Variants in CACNG7 observed in about 807,000 individuals in gnomAD.
The protein encoded by CACNG7 is voltage-dependent calcium channel gamma-7 subunit.
A neutral mutation model predicts 26.3 loss-of-function variants in CACNG7; 9 were observed. The observed-to-expected ratio is 0.34, with a 90% CI of 0.21 to 0.60. CACNG7 has a LOEUF of 0.60. Among genes scored for constraint, CACNG7 ranks in the 20% least tolerant of loss-of-function variants. CACNG7 has a pLI of 0.81. For missense variants in CACNG7, 297 were observed against 380.4 expected (o/e 0.78, Z 1.82); for synonymous variants, 170 against 157.0 (o/e 1.08, Z -0.62).
intron 4 of CACNG7, among the ~76,000 whole-genome samples, chr19:53,925,484 G>GTTGGTCATTGGTGGACTTGCCCCAGGT (rs113957992): frequency 8.6e-6 from 1 of 116,684 alleles, no homozygotes; most frequent in African/African-American, 3.7e-5. Context: ...GTTGCCCCAG[G>GTTGGTCATTGGTGGACTTGCCCCAGGT]CTGGTCATTG....
chr19:53,916,777 G>A (rs968293282), intron 4 of CACNG7, among the ~76,000 whole-genome samples: 1 of 150,062 alleles, frequency 6.7e-6, no homozygotes. Flanking sequence ...TGGGATTACA[G>A]GTGTGAGCCC....
intron 4 of CACNG7, among the ~76,000 whole-genome samples, chr19:53,923,949 G>A (rs1458696502): frequency 2.1e-5 from 3 of 140,260 alleles, no homozygotes; most frequent in African/African-American, 8.3e-5. Context: ...TATTGGTGGA[G>A]TTGTCCCCAG....
chr19:53,936,270 C>T (rs904422119), intron 4 of CACNG7, among the ~76,000 whole-genome samples: 3 of 152,130 alleles, frequency 2.0e-5, no homozygotes, highest in Admixed American at 6.5e-5. Context: ...TCTGGAGGCC[C>T]GTGGTGTAGG....
rs2068933447 is a variant in CACNG7 at position 53,920,355 on chromosome 19, A to G, written c.424+4850A>G. 1.8e-5 allele frequency among the ~76,000 whole-genome samples: 2 copies of G among 109,194 alleles called. 1 individual carries two copies. The highest frequency in any genetic ancestry group is 3.5e-5 in the Non-Finnish European group (2 of 56,904). 71.6% of individuals were successfully genotyped at this position (109,194 alleles called of 152,430 possible). On this transcript the variant is annotated intron_variant, in intron 4 of 5. Coordinates refer to ENST00000391767, the MANE Select transcript of CACNG7 (RefSeq NM_031896.5). Reference sequence around the variant, plus strand: ...GTCTGGTCATTGGTGGAGTTTCCCCAGGTCTGGTCATTGGTGGAGTTGCCT... The same window carrying G: ...GTCTGGTCATTGGTGGAGTTTCCCCGGGTCTGGTCATTGGTGGAGTTGCCT...
At chr19:53,920,068 G>A (rs2068929475) in intron 4 of CACNG7, among the ~76,000 whole-genome samples, 1 of 127,542 alleles carries the variant, frequency 7.8e-6, no homozygotes, top group Admixed American at 7.4e-5. Flanking sequence ...CCCCAGGCTG[G>A]TCATTGGTGG....
In CACNG7 at chr19:53,916,487, CTTTT is replaced by C. The variant is rs397706471; in HGVS notation, c.424+999_424+1002del. 9.8e-3 allele frequency among the ~76,000 whole-genome samples: 931 copies of C among 95,436 alleles called. 14 individuals carry two copies. The highest frequency in any genetic ancestry group is 0.037 in the African/African-American group (856 of 22,940). The allele number at this position is 95,436 out of a possible 152,430, so 62.6% of individuals were successfully genotyped here. A position where few individuals can be genotyped will look rare whatever the true frequency, so the allele number is the denominator to read the frequency against. On this transcript the variant is annotated intron_variant, in intron 4 of 5. Transcript: ENST00000391767. ...CCAGCAATGCCTTTTTTCTTTCTTT[CTTTT>C]TTTTTTTTTTTTTTTTGACTGAGTT...
At chr19:53,927,636 G>A (rs191845400) in intron 4 of CACNG7, among the ~76,000 whole-genome samples, 3 of 152,038 alleles carry the variant, frequency 2.0e-5, no homozygotes, top group Admixed American at 6.6e-5. Context: ...TTAGGAGTTC[G>A]AGACCAGACT....
chr19:53,925,130 G>GC (rs1282776349), intron 4 of CACNG7, among the ~76,000 whole-genome samples: 10 of 101,274 alleles, frequency 9.9e-5, no homozygotes, highest in South Asian at 3.1e-4. Flanking sequence ...TGGTGGACTT[G>GC]CCTAGGGCTG....
intron 4 of CACNG7, among the ~76,000 whole-genome samples, chr19:53,921,463 C>CTGGAGTTGTCCCCAGGCCTGGTCATTGG (rs2068951126): frequency 1.6e-5 from 2 of 123,250 alleles, no homozygotes; most frequent in African/African-American, 6.7e-5. Context: ...TCTGGTATTG[C>CTGGAGTTGTCCCCAGGCCTGGTCATTGG]TGGAGTTGTC....
At chr19:53,934,361 G>A (rs1313904192) in intron 4 of CACNG7, among the ~76,000 whole-genome samples, 2 of 152,176 alleles carry the variant, frequency 1.3e-5, no homozygotes, top group Admixed American at 6.5e-5. Flanking sequence ...TTTGTATCAC[G>A]TTACTCCAGG....
chr19:53,929,617 T>C, intron 4 of CACNG7, among the ~76,000 whole-genome samples: 1 of 151,876 alleles, frequency 6.6e-6, no homozygotes, highest in Non-Finnish European at 1.5e-5. Flanking sequence ...CCACCATGCC[T>C]GGCTAATTTT....
At chr19:53,937,051 G>A (rs2069109305) in intron 4 of CACNG7, among the ~76,000 whole-genome samples, 1 of 151,924 alleles carries the variant, frequency 6.6e-6, no homozygotes, top group African/African-American at 2.4e-5. Flanking sequence ...AAGACAACAG[G>A]AACTAATTAT....
At chr19:53,910,007 G>A (rs1323528850) in intron 1 of CACNG7, among the ~76,000 whole-genome samples, 1 of 152,152 alleles carries the variant, frequency 6.6e-6, no homozygotes, top group Non-Finnish European at 1.5e-5. Context: ...GAGGCTTCAG[G>A]CCTGGGGGGA....
chr19:53,942,182 C>T lies in CACNG7; in HGVS notation c.717C>T (p.Arg239=), dbSNP rs1212020164. 3.1e-6 allele frequency: 5 copies of T among 1,613,926 alleles called. No individual in the cohort carries two copies. In the South Asian group the frequency reaches 3.3e-5, roughly 11 times the overall value. The change falls in exon 6 of 6, where the codon CGC becomes CGT. Residue 239 remains arginine (R), a synonymous_variant. Transcript: ENST00000391767. The surrounding 1 kb of genome is among the most constrained non-coding windows in gnomAD (Gnocchi z 5.9). The part of the protein sequence containing the change: ...GQFLQPEAWR[R]GRSPSDISSD... ...TCCTGCAGCCCGAGGCGTGGCGCCG[C>T]GGCCGGAGCCCCTCCGACATCTCCA...
rs1326704789 is a variant in CACNG7 at position 53,917,735 on chromosome 19, G to C, written c.424+2230G>C. 2.0e-5 allele frequency among the ~76,000 whole-genome samples: 3 copies of C among 152,192 alleles called. No homozygotes were observed. In the South Asian group the frequency reaches 6.2e-4, roughly 31 times the overall value. On this transcript the variant is annotated intron_variant, in intron 4 of 5. Coordinates refer to ENST00000391767, the MANE Select transcript of CACNG7 (RefSeq NM_031896.5). Reference sequence around the variant, plus strand: ...AGAGACAAAAAGTGGGGCAAGAGTAGATAGCATGGGGATTTTTATTCAACC... The same window carrying C: ...AGAGACAAAAAGTGGGGCAAGAGTACATAGCATGGGGATTTTTATTCAACC...
chr19:53,941,973 T>C, intron 5 of CACNG7, 63 bp from the exon 6 acceptor site: 1 of 1,495,042 alleles, frequency 6.7e-7, no homozygotes, highest in Non-Finnish European at 8.9e-7. Flanking sequence ...TGAGAGGAGA[T>C]GAGTCGGGGT....
At chr19:53,933,083 G>A (rs2069083831) in intron 4 of CACNG7, among the ~76,000 whole-genome samples, 1 of 151,904 alleles carries the variant, frequency 6.6e-6, no homozygotes. Context: ...TGGGATTACA[G>A]CACTTTGTGC....
intron 4 of CACNG7, among the ~76,000 whole-genome samples, chr19:53,929,686 G>A (rs555524934): frequency 1.2e-3 from 176 of 152,088 alleles, no homozygotes; most frequent in Non-Finnish European, 2.0e-3. Context: ...CAAGTGATCT[G>A]CCCTCCTTGG....
chr19:53,913,393 AGG>A, intron 2 of CACNG7, among the ~76,000 whole-genome samples: 1 of 152,022 alleles, frequency 6.6e-6, no homozygotes, highest in Non-Finnish European at 1.5e-5. Flanking sequence ...AGGCCAAGGC[AGG>A]AGTATCCCTT....
Sources: allele counts gnomAD v4.1 joint callset (sites outside exome capture counted in the v4.1 genomes callset), GRCh38; gene constraint gnomAD v4.1.1; non-coding constraint Gnocchi (gnomAD v3.1); transcripts MANE v1.5; gene names NCBI Gene and HGNC (gene_info 2026-07-23, HGNC 2026-07-21).